Variants in WASF3 observed in about 807,000 individuals in gnomAD.
WASF3 encodes actin-binding protein WASF3.
In WASF3, 11 loss-of-function variants were observed where a neutral mutation model predicts 46.6. The ratio of observed to expected loss-of-function variants is 0.24; its 90% CI spans 0.15 to 0.39. WASF3 has a LOEUF of 0.39. Among genes scored for constraint, WASF3 ranks in the 10% least tolerant of loss-of-function variants. WASF3 has a pLI of 1.00. For synonymous variants in WASF3, 242 were observed against 259.7 expected (o/e 0.93, Z 0.65); for missense variants, 576 against 669.8 (o/e 0.86, Z 1.55).
chr13:26,583,849 G>A (rs1045911794), intron 1 of WASF3, among the ~76,000 whole-genome samples: 1 of 152,336 alleles, frequency 6.6e-6, no homozygotes, highest in African/African-American at 2.4e-5. Flanking sequence ...AGTAACAGGA[G>A]TCAGAAGTGT....
intron 1 of WASF3, among the ~76,000 whole-genome samples, chr13:26,583,309 G>A (rs1458226044): frequency 1.3e-5 from 2 of 152,220 alleles, no homozygotes; most frequent in African/African-American, 4.8e-5. Flanking sequence ...TTCCGTAATG[G>A]TTAAGAAACG....
At chr13:26,592,589 G>A (rs1333416715) in intron 1 of WASF3, among the ~76,000 whole-genome samples, 1 of 152,064 alleles carries the variant, frequency 6.6e-6, no homozygotes, top group Non-Finnish European at 1.5e-5. Flanking sequence ...TAAGGCCATA[G>A]GTCCCATAGG....
chr13:26,568,936 G>A (rs779139572), intron 1 of WASF3, among the ~76,000 whole-genome samples: 7 of 152,136 alleles, frequency 4.6e-5, no homozygotes, highest in Non-Finnish European at 7.3e-5. Flanking sequence ...TGGAGTTATT[G>A]GATATGACCC....
chr13:26,586,244 GT>G (rs1385058917), intron 1 of WASF3, among the ~76,000 whole-genome samples: 2 of 151,612 alleles, frequency 1.3e-5, no homozygotes, highest in Non-Finnish European at 3.0e-5. Flanking sequence ...TATTTTTTGT[GT>G]TTCTTTTCGC....
At chr13:26,652,954 GTTAA>G (rs1882357443) in intron 3 of WASF3, among the ~76,000 whole-genome samples, 1 of 152,166 alleles carries the variant, frequency 6.6e-6, no homozygotes, top group Non-Finnish European at 1.5e-5. Flanking sequence ...TAATCTCTGT[GTTAA>G]TTAATTTTTG....
At chr13:26,540,696 C>T in the WASF3 span, among the ~76,000 whole-genome samples, 1 of 152,338 alleles carries the variant, frequency 6.6e-6, no homozygotes, top group African/African-American at 2.4e-5. Context: ...TGTCTCTGCT[C>T]CTGCTTCATC....
intron 1 of WASF3, among the ~76,000 whole-genome samples, chr13:26,580,266 G>C (rs1477442348): frequency 6.6e-6 from 1 of 152,070 alleles, no homozygotes; most frequent in Non-Finnish European, 1.5e-5. Context: ...TATTAGGATA[G>C]AATCTTATTA....
At chr13:26,616,523 G>T (rs1881138683) in intron 2 of WASF3, among the ~76,000 whole-genome samples, 1 of 152,014 alleles carries the variant, frequency 6.6e-6, no homozygotes, top group Non-Finnish European at 1.5e-5. Context: ...TATATGATTT[G>T]TAGTTTTATT....
chr13:26,667,682 T>G lies in WASF3; in HGVS notation c.422+12T>G. 1 of 1,612,348 alleles carries G rather than the reference T, an allele frequency of 6.2e-7. No individual in the cohort carries two copies. The highest frequency in any genetic ancestry group is 2.2e-5 in the East Asian group (1 of 44,804). On this transcript the variant is annotated intron_variant, in intron 5 of 9. Transcript: ENST00000335327. ...CTGACACCATACAGGTATAGCTTCA[T>G]GAGTCCCAGAGCCTCTCCTTGAGAT...
intron 1 of WASF3, among the ~76,000 whole-genome samples, chr13:26,594,503 C>G (rs990622744): frequency 3.9e-5 from 6 of 152,162 alleles, no homozygotes; most frequent in African/African-American, 1.4e-4. Flanking sequence ...TTGACTCTTG[C>G]GCTCCTGGCT....
intron 2 of WASF3, among the ~76,000 whole-genome samples, chr13:26,621,352 A>G (rs1881300246): frequency 6.6e-6 from 1 of 152,214 alleles, no homozygotes; most frequent in African/African-American, 2.4e-5. Flanking sequence ...TGAATCTGAT[A>G]TGGTAGTTTC....
At chr13:26,660,194 GTTTTTTTTTTTTTTTTTTTTTTT>G (rs71080285) in intron 3 of WASF3, among the ~76,000 whole-genome samples, 2 of 43,362 alleles carry the variant, frequency 4.6e-5, no homozygotes, top group Admixed American at 3.8e-4. Flanking sequence ...TTTTTGTTTG[GTTTTTTTTTTTTTTTTTTTTTTT>G]TTTTTTTTTT....
intron 5 of WASF3, among the ~76,000 whole-genome samples, chr13:26,668,693 TC>T (rs557130195): frequency 5.3e-4 from 81 of 152,202 alleles, no homozygotes; most frequent in Non-Finnish European, 9.8e-4. Context: ...AAAGTGCAGT[TC>T]AAACTACACC....
At chr13:26,568,496 A>G (rs960372831) in intron 1 of WASF3, among the ~76,000 whole-genome samples, 1 of 152,170 alleles carries the variant, frequency 6.6e-6, no homozygotes, top group Non-Finnish European at 1.5e-5. Context: ...GAGGGGGCTG[A>G]TGAAGACTCT....
chr13:26,548,509 T>C, the WASF3 span, among the ~76,000 whole-genome samples: 1 of 152,180 alleles, frequency 6.6e-6, no homozygotes, highest in Non-Finnish European at 1.5e-5. Context: ...TCCAACGCAC[T>C]ATTCATGCAT....
In WASF3 at chr13:26,676,724, G is replaced by GGT. The variant is rs766730218; in HGVS notation, c.716+11_716+12dup. On this transcript the variant is annotated frameshift_variant and splice_region_variant. Coordinates refer to ENST00000335327, the MANE Select transcript of WASF3 (RefSeq NM_006646.6). LOFTEE classifies it high-confidence loss of function. ...GAGGGATCCCTGTCCCCAGATACTA[G>GGT]GTGTGTGTGTGTCACTGCTCCCTCA... is the stretch of plus-strand genomic sequence containing the variant. 55 of 1,611,918 alleles carry GGT rather than the reference G, an allele frequency of 3.4e-5. No individual in the cohort carries two copies. The highest frequency in any genetic ancestry group is 4.2e-5 in the Non-Finnish European group (49 of 1,178,964).
chr13:26,651,045 A>G (rs945393043), intron 3 of WASF3, among the ~76,000 whole-genome samples: 4 of 152,230 alleles, frequency 2.6e-5, no homozygotes, highest in Non-Finnish European at 4.4e-5. Flanking sequence ...AATTCCTGAA[A>G]GTATAAAGAA....
chr13:26,628,128 G>C (rs1881529436), intron 2 of WASF3, among the ~76,000 whole-genome samples: 1 of 152,034 alleles, frequency 6.6e-6, no homozygotes. Context: ...GATGTTCAAA[G>C]GGCTGTCAAA....
chr13:26,665,289 G>A, intron 4 of WASF3, 127 bp downstream of exon 4: 2 of 1,177,486 alleles, frequency 1.7e-6, no homozygotes, highest in South Asian at 3.1e-5. Flanking sequence ...TTTCCTAGAA[G>A]AATAGCGAGG....
Sources: gnomAD v4.1 joint callset for allele counts (sites outside exome capture counted in the v4.1 genomes callset) on GRCh38, gnomAD v4.1.1 for gene constraint, MANE v1.5 for transcripts, NCBI Gene and HGNC (gene_info 2026-07-23, HGNC 2026-07-21) for gene names.